Variants in COX11 observed in about 807,000 individuals in gnomAD.
COX11 encodes cytochrome c oxidase assembly protein COX11, mitochondrial.
Under a neutral mutation model 29.4 loss-of-function variants are expected in COX11, and 18 were observed. That is an observed-to-expected ratio of 0.61 (90% CI 0.42 to 0.91). COX11 has a LOEUF of 0.91. COX11 is among the 40% of genes least tolerant of loss of function. COX11 has a pLI of 0.00. For missense variants in COX11, 312 were observed against 346.0 expected, an observed-to-expected ratio of 0.90 and a Z score of 0.78; for synonymous variants, 131 against 124.0, an observed-to-expected ratio of 1.06 and a Z score of -0.38.
intron 3 of COX11, 50 bp from the exon 4 acceptor site, chr17:54,962,965 A>T: frequency 1.3e-6 from 2 of 1,486,658 alleles, no homozygotes; most frequent in Non-Finnish European, 1.9e-6. Flanking sequence ...CGTATTACAT[A>T]ACAGAAACTA....
chr17:54,961,844 T>C lies in COX11; in HGVS notation c.*889A>G, dbSNP rs1235769880. 1.0e-6 allele frequency: 1 copy of C among 978,620 alleles called. No homozygotes were observed. Among genetic ancestry groups the C allele is most frequent in the Admixed American group, 6.1e-5 (1 of 16,268 alleles). The allele number at this position is 978,620 out of a possible 1,614,324, so 60.6% of individuals were successfully genotyped here. On this transcript the variant is annotated 3_prime_UTR_variant, in exon 4 of 4. Coordinates refer to ENST00000299335, the MANE Select transcript of COX11 (RefSeq NM_004375.5). The stretch of plus-strand genomic sequence containing the variant: ...AAATATGATTCTTTGTAATGCTAAA[T>C]AGCCTTTTTTTCTCTTTTTACTGCA...
At chr17:54,955,685 C>T (rs1447429331), downstream of COX11, among the ~76,000 whole-genome samples, 1 of 152,030 alleles carries the variant, frequency 6.6e-6, no homozygotes, top group Non-Finnish European at 1.5e-5. Context: ...GGCGATGTCT[C>T]TCAGTCTCCC....
At chr17:54,952,178 TA>T (rs577324310) in exon 1 of COX11, 1 of 152,130 alleles carries the variant, frequency 6.6e-6, no homozygotes, top group Non-Finnish European at 1.5e-5. Flanking sequence ...GTAAGAGCAA[TA>T]AAATTAGTGG....
intron 1 of COX11, among the ~76,000 whole-genome samples, chr17:54,967,034 GCGCGCGCGCACACACA>G (rs2077234575): frequency 2.0e-5 from 2 of 102,426 alleles, no homozygotes; most frequent in African/African-American, 5.2e-5. Flanking sequence ...ATAAACGTGC[GCGCGCGCGCACACACA>G]CACACACACA....
At chr17:54,963,454 TATC>T in intron 2 of COX11, 23 bp from the exon 3 acceptor site, 1 of 1,582,874 alleles carries the variant, frequency 6.3e-7, no homozygotes, top group East Asian at 2.3e-5. Context: ...ATATATATAT[TATC>T]AATACTTTGA....
chr17:54,954,670 G>A (rs1598073206), exon 1 of COX11: 1 of 152,230 alleles, frequency 6.6e-6, no homozygotes, highest in Non-Finnish European at 1.5e-5. Flanking sequence ...TCTTGGAGGG[G>A]GTAGTAAAGG....
chr17:54,968,499 G>C lies in COX11; in HGVS notation c.148C>G (p.Leu50Val), dbSNP rs964426014. ...WSGTGGAERG[L>V]RWLGTWKRCS... ...CGCTTCCATGTCCCAAGCCACCTCAGTCCTCTCTCGGCACCTCCTGTCCCA... is the reference window on the plus strand; with the variant it reads ...CGCTTCCATGTCCCAAGCCACCTCACTCCTCTCTCGGCACCTCCTGTCCCA... Residue 50 changes from leucine (L) to valine (V), a missense_variant, in exon 1 of 4, where the codon CTG (leucine) becomes GTG (valine). Transcript: ENST00000299335. 1 of 1,613,408 alleles carries C rather than the reference G, an allele frequency of 6.2e-7. No homozygotes were observed. Among genetic ancestry groups the C allele is most frequent in the African/African-American group, 1.3e-5 (1 of 75,000 alleles).
At chr17:54,968,259 T>C in intron 1 of COX11, 22 bp downstream of exon 1, 1 of 1,600,518 alleles carries the variant, frequency 6.2e-7, no homozygotes, top group Non-Finnish European at 8.5e-7. Context: ...TGCGCCACCC[T>C]GCGGGCGGCG....
In COX11 at chr17:54,962,588, G is replaced by A. The variant is rs949771327; in HGVS notation, c.*145C>T. ...ATAAAAGCTGAACTTGTTCTCTCAA[G>A]TTTAAGTGAAAAAAATTAGTTGAGA... is the stretch of plus-strand genomic sequence containing the variant. On this transcript the variant is annotated 3_prime_UTR_variant, in exon 4 of 4. Coordinates refer to ENST00000299335, the MANE Select transcript of COX11 (RefSeq NM_004375.5). 7.4e-7 allele frequency: 1 copy of A among 1,350,100 alleles called. No homozygotes were observed. The highest frequency in any genetic ancestry group is 1.5e-5 in the African/African-American group (1 of 66,660). The allele number at this position is 1,350,100 out of a possible 1,614,324, so 83.6% of individuals were successfully genotyped here.
chr17:54,968,617 C>A lies in COX11; in HGVS notation c.30G>T (p.Arg10Ser), dbSNP rs755412727. ...AGCGCCAGCCACAGAAAGGAACGCA[C>A]CTCCATCCAGGACGCCAGAGCCCTC... Reference protein sequence around the residue: MGGLWRPGWRCVPFCGWRWI... With the variant: MGGLWRPGWSCVPFCGWRWI... Residue 10 changes from arginine to serine, a missense_variant, in exon 1 of 4, where the codon AGG becomes AGT. By Grantham distance (110) the Arg-to-Ser change is moderately radical (BLOSUM62 -1). Coordinates refer to ENST00000299335, the MANE Select transcript of COX11 (RefSeq NM_004375.5). The A allele has an allele frequency of 1.9e-6, 3 of 1,612,908 alleles. No homozygotes were observed. Among genetic ancestry groups the A allele is most frequent in the Non-Finnish European group, 2.5e-6 (3 of 1,180,020 alleles).
At chr17:54,959,175 G>A (rs557750456), downstream of COX11, 4 of 152,316 alleles carry the variant, frequency 2.6e-5, no homozygotes, top group African/African-American at 9.6e-5. Context: ...GCACCATTCT[G>A]GGGCCTTATG....
upstream of COX11, chr17:54,968,668 C>T (rs937795383): frequency 2.5e-6 from 4 of 1,590,278 alleles, 1 homozygote; most frequent in South Asian, 4.5e-5. Context: ...CTAACACCCA[C>T]CCGCCTCTCA....
At chr17:54,967,056 A>G (rs948930899) in intron 1 of COX11, among the ~76,000 whole-genome samples, 7 of 91,308 alleles carry the variant, frequency 7.7e-5, no homozygotes, top group East Asian at 4.8e-4. Context: ...ACACACACAC[A>G]CACACACACA....
Position 54,962,695 on chromosome 17 carries a change from A to T in COX11, c.*38T>A. On this transcript the variant is annotated 3_prime_UTR_variant, in exon 4 of 4. Coordinates refer to ENST00000299335, the MANE Select transcript of COX11 (RefSeq NM_004375.5). Reference sequence around the variant, plus strand: ...AGAAGATAGGATATATGATTTTCCCAAAAATCACAACTTTGAAGGAAGACT... The same window carrying T: ...AGAAGATAGGATATATGATTTTCCCTAAAATCACAACTTTGAAGGAAGACT... 1 of 1,595,432 alleles carries T rather than the reference A, an allele frequency of 6.3e-7. No individual in the cohort carries two copies. Among genetic ancestry groups the T allele is most frequent in the Non-Finnish European group, 8.5e-7 (1 of 1,174,296 alleles).
intron 2 of COX11, among the ~76,000 whole-genome samples, chr17:54,964,312 C>T (rs1351606934): frequency 2.3e-4 from 35 of 152,144 alleles, no homozygotes; most frequent in Non-Finnish European, 8.8e-5. Context: ...AACCAGTAAA[C>T]TACTCATTGT....
At position 54,961,833 on chromosome 17, in the gene COX11, G is replaced by C. The variant is rs1228270964; in HGVS notation, c.*900C>G. ...GGGCAGCCTTTAAATATGATTCTTT[G>C]TAATGCTAAATAGCCTTTTTTTCTC... On this transcript the variant is annotated 3_prime_UTR_variant, in exon 4 of 4. Coordinates refer to ENST00000299335, the MANE Select transcript of COX11 (RefSeq NM_004375.5). 1 of 983,198 alleles carries C rather than the reference G, an allele frequency of 1.0e-6. No individual in the cohort carries two copies. Among genetic ancestry groups the C allele is most frequent in the African/African-American group, 1.8e-5 (1 of 57,128 alleles). The allele number at this position is 983,198 out of a possible 1,614,324, so 60.9% of individuals were successfully genotyped here.
chr17:54,954,838 G>A (rs183733176), exon 1 of COX11: 9 of 152,294 alleles, frequency 5.9e-5, no homozygotes, highest in African/African-American at 2.2e-4. Flanking sequence ...ATAAAACATT[G>A]CATATAGGGC....
chr17:54,956,684 A>G (rs1165549253), downstream of COX11: 1 of 152,044 alleles, frequency 6.6e-6, no homozygotes, highest in Non-Finnish European at 1.5e-5. Flanking sequence ...GGCTCAAGCA[A>G]TCCTCCTGCC....
chr17:54,968,450 G>A lies in COX11; in HGVS notation c.197C>T (p.Pro66Leu), dbSNP rs2077316391. The change falls in exon 1 of 4, where the codon CCA becomes CTA. Residue 66 changes from proline (P) to leucine (L), a missense_variant. Physicochemically the swap from Pro to Leu is moderately conservative, Grantham distance 98 (BLOSUM62 -3). Transcript: ENST00000299335. ...WKRCSLRARHPALQPPRRPKS... is the reference protein window; with the variant it reads ...WKRCSLRARHLALQPPRRPKS... ...AGGCCGCCGCGGCGGCTGCAATGCT[G>A]GATGCCGGGCTCGAAGGCTGCAGCG... 6.2e-7 allele frequency: 1 copy of A among 1,613,360 alleles called. No individual in the cohort carries two copies. The highest frequency in any genetic ancestry group is 1.3e-5 in the African/African-American group (1 of 74,892).
Sources: gnomAD v4.1 joint callset for allele counts (sites outside exome capture counted in the v4.1 genomes callset) on GRCh38, gnomAD v4.1.1 for gene constraint, MANE v1.5 for transcripts, NCBI Gene and HGNC (gene_info 2026-07-23, HGNC 2026-07-21) for gene names.